CHM: variants seen among roughly 807,000 people sequenced by gnomAD.
CHM encodes CHM Rab escort protein.
In CHM, 10 loss-of-function variants were observed where a neutral mutation model predicts 49.0. The observed-to-expected ratio is 0.20, with a 90% confidence interval of 0.13 to 0.35. CHM has a LOEUF of 0.35. CHM is among the 10% of genes least tolerant of loss of function. The pLI is 1.00. For missense variants in CHM, 455 were observed against 478.4 expected, an observed-to-expected ratio of 0.95 and a Z score of 0.46; for synonymous variants, 184 against 167.5, an observed-to-expected ratio of 1.10 and a Z score of -0.76.
At chrX:85,896,880 ATAT>A (rs1481347821) in intron 11 of CHM, among the ~76,000 whole-genome samples, 8 of 99,553 alleles carry the variant, frequency 8.0e-5, no homozygotes, top group Non-Finnish European at 1.6e-4. Flanking sequence ...TATGTATTAC[ATAT>A]TATATATAGT....
chrX:85,940,596 C>G lies in CHM; in HGVS notation c.1166+15557G>C, dbSNP rs146199579. Among the ~76,000 whole-genome samples, 59 of 97,850 alleles carry G rather than the reference C, an allele frequency of 6.0e-4. 1 individual carries two copies. The Middle Eastern group carries it at 0.016, about 26-fold the overall frequency. 85.0% of individuals were successfully genotyped at this position (97,850 alleles called of 115,157 possible). ...ACATTTTACAATGCACAAGACAGCC[C>G]TTTCCCCAACACAGAGAAAATTATC... On this transcript the variant is annotated intron_variant, in intron 8 of 14. Coordinates refer to ENST00000357749, the MANE Select transcript of CHM (RefSeq NM_000390.4).
Position 85,900,676 on chromosome X carries a change from T to G in CHM, c.1383A>C (p.Arg461Ser), listed in dbSNP as rs768454351. The G allele has an allele frequency of 7.6e-6, 9 of 1,190,516 alleles. No individual in the cohort carries two copies. The Admixed American group carries it at 2.0e-4, about 26-fold the overall frequency. ...QISRAVLITD[R>S]SVLKTDSDQQ... is the part of the protein sequence containing the mutation. Reference sequence around the variant, plus strand: ...GATCTGAATCTGTTTTTAGGACAGATCTATCTGTAATCAGCACTGCCCTGG... The same window carrying G: ...GATCTGAATCTGTTTTTAGGACAGAGCTATCTGTAATCAGCACTGCCCTGG... Residue 461 changes from arginine (R) to serine (S), a missense_variant, in exon 11 of 15, where the codon AGA (arginine) becomes AGC (serine). Physicochemically the swap from Arg to Ser is moderately radical, Grantham distance 110. Transcript: ENST00000357749.
chrX:86,046,699 G>A (rs1287779868), intron 1 of CHM, among the ~76,000 whole-genome samples: 2 of 111,529 alleles, frequency 1.8e-5, no homozygotes, highest in Non-Finnish European at 3.8e-5. Flanking sequence ...GTTCTGCTAC[G>A]TGTTGTACAC....
intron 8 of CHM, among the ~76,000 whole-genome samples, chrX:85,934,228 C>T (rs1171453061): frequency 9.3e-6 from 1 of 107,303 alleles, no homozygotes; most frequent in East Asian, 2.9e-4. Flanking sequence ...GATCTGCCCA[C>T]CTTGGCCTCC....
At chrX:85,962,707 T>G (rs1930357746) in intron 5 of CHM, among the ~76,000 whole-genome samples, 1 of 111,893 alleles carries the variant, frequency 8.9e-6, no homozygotes, top group Admixed American at 9.5e-5. Flanking sequence ...TTAGTCTGTT[T>G]TTCTCTACTT....
intron 12 of CHM, among the ~76,000 whole-genome samples, chrX:85,892,707 T>C (rs1300507011): frequency 9.0e-6 from 1 of 111,379 alleles, no homozygotes; most frequent in Non-Finnish European, 1.9e-5. Context: ...AATTTAGGAT[T>C]ATAGCAATGT....
intron 8 of CHM, among the ~76,000 whole-genome samples, chrX:85,931,621 A>G (rs749690666): frequency 9.0e-6 from 1 of 111,382 alleles, no homozygotes; most frequent in South Asian, 3.8e-4. Flanking sequence ...GCTTCGTTTT[A>G]TAATATAGTG....
chrX:85,913,255 G>T (rs1457347563), intron 8 of CHM, among the ~76,000 whole-genome samples: 2 of 94,228 alleles, frequency 2.1e-5, no homozygotes, highest in Admixed American at 2.5e-4. Flanking sequence ...GGCGGAGGTT[G>T]CAGTGAGCTG....
At chrX:85,963,333 A>G (rs770873406) in intron 5 of CHM, among the ~76,000 whole-genome samples, 5 of 112,433 alleles carry the variant, frequency 4.4e-5, no homozygotes, top group Non-Finnish European at 9.4e-5. Context: ...ATCGATGGAA[A>G]TTGACTGTAA....
chrX:85,879,520 G>A (rs1177042841), intron 12 of CHM, among the ~76,000 whole-genome samples: 2 of 111,907 alleles, frequency 1.8e-5, no homozygotes, highest in Non-Finnish European at 3.8e-5. Context: ...ATACTTGAAA[G>A]CACATAAAAC....
rs189479628 is a variant in CHM at position 86,033,739 on chromosome X, C to A, written c.50-6182G>T. 5.1e-3 allele frequency among the ~76,000 whole-genome samples: 564 copies of A among 111,270 alleles called. 3 individuals are homozygous for A. Among genetic ancestry groups the A allele is most frequent in the African/African-American group, 0.017 (534 of 30,704 alleles). ...GGCTACCATAAAAAGGGAAAAATTG[C>A]AAATGAAGTAGCCTAGGGAACTACC... On this transcript the variant is annotated intron_variant, in intron 1 of 14. Coordinates refer to ENST00000357749, the MANE Select transcript of CHM (RefSeq NM_000390.4).
chrX:85,968,662 T>C (rs1249139849), intron 4 of CHM, among the ~76,000 whole-genome samples: 1 of 112,297 alleles, frequency 8.9e-6, no homozygotes, highest in Non-Finnish European at 1.9e-5. Context: ...AGCATAAACA[T>C]GTTAAGAAAA....
chrX:85,985,784 T>C (rs770681368), intron 2 of CHM, among the ~76,000 whole-genome samples: 2 of 112,013 alleles, frequency 1.8e-5, no homozygotes, highest in African/African-American at 3.2e-5. Context: ...CCAAGGTCAT[T>C]AGCAACTGGA....
At position 85,871,054 on chromosome X, in the gene CHM, T is replaced by G. The variant is rs556502718; in HGVS notation, c.1770+1998A>C. ...CGGGCCGGGTGTGGTGGCTCACGCC[T>G]GTAATCCCAGCACTTTGGGAGGCCG... On this transcript the variant is annotated intron_variant, in intron 14 of 14. Transcript: ENST00000357749. Among the ~76,000 whole-genome samples, 73 of 109,909 alleles carry G rather than the reference T, an allele frequency of 6.6e-4. 1 individual carries two copies. The highest frequency in any genetic ancestry group is 9.5e-3 in the Middle Eastern group (2 of 210).
At chrX:85,995,967 A>C (rs925266043) in intron 2 of CHM, among the ~76,000 whole-genome samples, 3 of 112,117 alleles carry the variant, frequency 2.7e-5, no homozygotes, top group African/African-American at 6.5e-5. Context: ...TGTTTTATTT[A>C]TCTAAAGAGA....
chrX:85,975,060 G>A (rs964882063), intron 4 of CHM, among the ~76,000 whole-genome samples: 1 of 110,594 alleles, frequency 9.0e-6, no homozygotes, highest in African/African-American at 3.3e-5. Context: ...ACCAAAAATG[G>A]TATATGGATG....
chrX:85,999,916 T>C (rs1364926858), intron 2 of CHM, among the ~76,000 whole-genome samples: 3 of 112,075 alleles, frequency 2.7e-5, no homozygotes, highest in Non-Finnish European at 5.6e-5. Context: ...TGACAGACAC[T>C]GTTTATAAAT....
rs773701632 is a variant in CHM, at chrX:86,027,517, A to G, written c.90T>C (p.Ser30=). 2 of 1,209,704 alleles carry G rather than the reference A, an allele frequency of 1.7e-6. No individual in the cohort carries two copies. The highest frequency in any genetic ancestry group is 2.2e-6 in the Non-Finnish European group (2 of 893,765). The change falls in exon 2 of 15, where the codon AGT becomes AGC. Residue 30 remains serine (S), a synonymous_variant. Transcript: ENST00000357749. The stretch of plus-strand genomic sequence containing the variant: ...AATCAACATGCAGAACTCTCCGGCC[A>G]CTTCTTGAACATGCAGCTGCAATGA... ...ESIIAAACSR[S]GRRVLHVDSR...
At chrX:85,959,112 C>T (rs1395035322) in intron 5 of CHM, 135 bp from the exon 6 acceptor site, 4 of 819,823 alleles carry the variant, frequency 4.9e-6, no homozygotes, top group South Asian at 2.8e-5. Flanking sequence ...TAATACATAA[C>T]ACAATCTATT....
Sources: gnomAD v4.1 joint callset for allele counts (sites outside exome capture counted in the v4.1 genomes callset) on GRCh38, gnomAD v4.1.1 for gene constraint, MANE v1.5 for transcripts, NCBI Gene and HGNC (gene_info 2026-07-23, HGNC 2026-07-21) for gene names.